LAMB1: variants seen among roughly 807,000 people sequenced by gnomAD.
LAMB1 encodes laminin subunit beta 1.
LAMB1 carries 121 observed loss-of-function variants against 222.3 expected under a neutral mutation model. The observed-to-expected ratio is 0.54, with a 90% CI of 0.47 to 0.63. LAMB1 has a LOEUF of 0.63. LAMB1 is among the 30% of genes least tolerant of loss of function. The pLI is 0.00. For missense variants in LAMB1, 2,172 were observed against 2,240.8 expected (o/e 0.97, Z 0.62); for synonymous variants, 794 against 807.2 (o/e 0.98, Z 0.28).
intron 5 of LAMB1, among the ~76,000 whole-genome samples, chr7:107,989,723 T>A (rs1005171254): frequency 6.6e-6 from 1 of 152,266 alleles, no homozygotes; most frequent in South Asian, 2.1e-4. Context: ...CTGGGAGGCT[T>A]GGGGAGAGGA....
intron 27 of LAMB1, 181 bp from the exon 28 acceptor site, chr7:107,932,558 T>G (rs2032740199): frequency 1.6e-6 from 1 of 609,924 alleles, no homozygotes; most frequent in Non-Finnish European, 2.9e-6. Context: ...TAAACTAACC[T>G]GCTTATTTCC....
intron 24 of LAMB1, among the ~76,000 whole-genome samples, chr7:107,949,205 G>A (rs551224229): frequency 1.3e-5 from 2 of 152,270 alleles, no homozygotes; most frequent in African/African-American, 4.8e-5. Flanking sequence ...CAATTTCCCT[G>A]GCAGATTTAG....
chr7:107,996,930 G>A (rs76905454), intron 4 of LAMB1, among the ~76,000 whole-genome samples: 1,863 of 152,168 alleles, frequency 0.012, 32 homozygotes, highest in East Asian at 0.04. Context: ...AGAAGTCCTC[G>A]GGGTACACTG....
rs781388848 is a variant in LAMB1, at chr7:107,961,634, G to T, written c.1900C>A (p.Pro634Thr). The change falls in exon 16 of 34, where the codon CCT becomes ACT. Residue 634 changes from proline to threonine, a missense_variant. Pro to Thr is a conservative substitution (Grantham distance 38). Transcript: ENST00000222399. ...CGGCTGCTGGTTGGAATCCTTCCAG[G>T]TCGCTGCACTGTGATGACAGCTTTT... ...WEKAVITVQR[P>T]GRIPTSSRCG... is the part of the protein sequence containing the mutation. 6.2e-7 allele frequency: 1 copy of T among 1,614,128 alleles called. No individual in the cohort carries two copies. The highest frequency in any genetic ancestry group is 2.2e-5 in the East Asian group (1 of 44,874).
chr7:108,002,292 T>C, intron 2 of LAMB1: 1 of 1,308,968 alleles, frequency 7.6e-7, no homozygotes. Context: ...GGACGCCGCT[T>C]TCCGGAGCTA....
chr7:107,947,882 A>C (rs755793162), intron 24 of LAMB1, among the ~76,000 whole-genome samples: 33 of 152,038 alleles, frequency 2.2e-4, no homozygotes, highest in Non-Finnish European at 4.6e-4. Context: ...CAAATTTCCA[A>C]ATGTCCCCAC....
chr7:107,952,299 T>C, intron 22 of LAMB1, 76 bp from the exon 23 acceptor site: 1 of 1,065,972 alleles, frequency 9.4e-7, no homozygotes, highest in Non-Finnish European at 1.4e-6. Context: ...CACATCTAAA[T>C]GCTAAGATGT....
intron 14 of LAMB1, 83 bp downstream of exon 14, chr7:107,964,469 A>G: frequency 6.6e-7 from 1 of 1,521,806 alleles, no homozygotes; most frequent in Non-Finnish European, 9.0e-7. Context: ...AATGCTTCTG[A>G]AATGGGGTCT....
At chr7:107,963,889 G>A (rs920050868) in intron 14 of LAMB1, among the ~76,000 whole-genome samples, 19 of 152,242 alleles carry the variant, frequency 1.2e-4, no homozygotes, top group African/African-American at 4.3e-4. Context: ...ACCTGAGGTC[G>A]GGAGTTCGAG....
At chr7:107,979,813 C>T (rs1276353283) in intron 8 of LAMB1, among the ~76,000 whole-genome samples, 13 of 152,364 alleles carry the variant, frequency 8.5e-5, no homozygotes, top group African/African-American at 3.1e-4. Context: ...TTGGCTCACG[C>T]CTGTAATTCC....
chr7:107,961,272 C>G lies in LAMB1; in HGVS notation c.2043G>C (p.Arg681Ser). The change falls in exon 17 of 34, where the codon AGG (arginine) becomes AGC (serine). Residue 681 changes from arginine (R) to serine (S), a missense_variant. Transcript: ENST00000222399. ...CFEKGTNYTVRLELPQYTSSD... is the reference protein window; with the variant it reads ...CFEKGTNYTVSLELPQYTSSD... ...AGGAGGTGTACTGAGGCAGCTCCAACCTCACCGTGTAGTTTGTTCCCTTCT... is the reference window on the plus strand; with the variant it reads ...AGGAGGTGTACTGAGGCAGCTCCAAGCTCACCGTGTAGTTTGTTCCCTTCT... The G allele has an allele frequency of 6.2e-7, 1 of 1,614,088 alleles. No homozygotes were observed. The highest frequency in any genetic ancestry group is 8.5e-7 in the Non-Finnish European group (1 of 1,179,986).
rs368149139 is a variant in LAMB1, at chr7:107,940,036, G to A, written c.3714C>T (p.Pro1238=). Reference sequence around the variant, plus strand: ...CAATGTTTTTCAGTGGCTCTGCTGCGGGGCTCTGCGCCAGGATGTCTTTTA... The same window carrying A: ...CAATGTTTTTCAGTGGCTCTGCTGCAGGGCTCTGCGCCAGGATGTCTTTTA... The part of the protein sequence containing the change: ...SEIKDILAQS[P]AAEPLKNIGN... Residue 1238 remains proline, a synonymous_variant, in exon 25 of 34, where the codon CCC becomes CCT. Transcript: ENST00000222399. The A allele has an allele frequency of 4.2e-5, 68 of 1,613,834 alleles. 1 individual carries two copies. Among genetic ancestry groups the A allele is most frequent in the South Asian group, 3.6e-4 (33 of 91,076 alleles).
At chr7:107,962,458 A>C (rs1421645229) in intron 15 of LAMB1, among the ~76,000 whole-genome samples, 1 of 152,220 alleles carries the variant, frequency 6.6e-6, no homozygotes, top group African/African-American at 2.4e-5. Context: ...TCACGCCTGT[A>C]ATCCCAGCAC....
chr7:107,935,138 T>C (rs1184789793), intron 27 of LAMB1, among the ~76,000 whole-genome samples: 4 of 151,714 alleles, frequency 2.6e-5, no homozygotes, highest in Non-Finnish European at 4.4e-5. Context: ...TAAAACAGTA[T>C]GGGAGAATAG....
chr7:107,936,561 A>T (rs2032851881), intron 26 of LAMB1, among the ~76,000 whole-genome samples: 1 of 152,212 alleles, frequency 6.6e-6, no homozygotes, highest in Non-Finnish European at 1.5e-5. Flanking sequence ...TAACAGCATG[A>T]CATGTTTTTA....
At chr7:107,937,025 C>A in intron 26 of LAMB1, 68 bp downstream of exon 26, 4 of 1,260,608 alleles carry the variant, frequency 3.2e-6, no homozygotes, top group South Asian at 1.5e-5. Flanking sequence ...CCCAAAAGTG[C>A]TATATTAAAA....
intron 4 of LAMB1, 69 bp downstream of exon 4, chr7:107,998,288 G>A: frequency 6.0e-6 from 9 of 1,503,294 alleles, no homozygotes; most frequent in Non-Finnish European, 7.3e-6. Context: ...CAAACACCCA[G>A]GAACCTGTAA....
At chr7:107,983,600 T>G (rs916698585) in intron 7 of LAMB1, among the ~76,000 whole-genome samples, 11 of 139,536 alleles carry the variant, frequency 7.9e-5, no homozygotes, top group African/African-American at 2.7e-4. Flanking sequence ...TCACCCAGAC[T>G]GGAGTGCAAT....
At chr7:108,000,298 G>A (rs2034358116) in intron 3 of LAMB1, among the ~76,000 whole-genome samples, 1 of 152,150 alleles carries the variant, frequency 6.6e-6, no homozygotes, top group Non-Finnish European at 1.5e-5. Flanking sequence ...CAAATGAACG[G>A]AATCCACTTT....
Sources: gnomAD v4.1 joint callset for allele counts (sites outside exome capture counted in the v4.1 genomes callset) on GRCh38, gnomAD v4.1.1 for gene constraint, MANE v1.5 for transcripts, NCBI Gene and HGNC (gene_info 2026-07-23, HGNC 2026-07-21) for gene names.